The following TBC1D5 variants were observed in gnomAD, a reference collection of about 807,000 sequenced individuals.
TBC1D5 encodes TBC1 domain family, member 5.
TBC1D5 carries 75 observed loss-of-function variants against 100.3 expected under a neutral mutation model. The ratio of observed to expected loss-of-function variants is 0.75; its 90% CI spans 0.62 to 0.91. The LOEUF (loss-of-function observed/expected upper bound fraction) is 0.91. TBC1D5 is among the 40% of genes least tolerant of loss of function. The pLI, the probability that TBC1D5 is intolerant of heterozygous loss-of-function variation, is 0.00. For missense variants in TBC1D5, 910 were observed against 942.4 expected, an observed-to-expected ratio of 0.97 and a Z score of 0.45; for synonymous variants, 323 against 325.6, an observed-to-expected ratio of 0.99 and a Z score of 0.09.
chr3:17,708,677 C>T (rs997608340), intron 1 of TBC1D5, among the ~76,000 whole-genome samples: 1 of 152,204 alleles, frequency 6.6e-6, no homozygotes, highest in Non-Finnish European at 1.5e-5. Context: ...CTATTCAGAA[C>T]CACTGTTCTA....
At position 17,564,349 on chromosome 3, in the gene TBC1D5, T is replaced by G. The variant is rs185221596; in HGVS notation, c.-35-55744A>C. Among the ~76,000 whole-genome samples the G allele has an allele frequency of 7.1e-3, 1,083 of 152,326 alleles. 7 individuals carry two copies. Among genetic ancestry groups the G allele is most frequent in the Non-Finnish European group, 0.012 (833 of 68,022 alleles). Reference sequence around the variant, plus strand: ...TAAAGTGAAATACTTTTATTCATTTTTTAACCAGCATTTATTATGCATCTA... The same window carrying G: ...TAAAGTGAAATACTTTTATTCATTTGTTAACCAGCATTTATTATGCATCTA... On this transcript the variant is annotated intron_variant, in intron 2 of 21. Coordinates refer to ENST00000253692, the Ensembl canonical transcript of TBC1D5.
chr3:17,438,981 T>C (rs1370946652), intron 3 of TBC1D5, among the ~76,000 whole-genome samples: 1 of 152,070 alleles, frequency 6.6e-6, no homozygotes, highest in African/African-American at 2.4e-5. Flanking sequence ...ATAGAGTATA[T>C]GTGGCAGTAA....
At chr3:17,369,123 C>T (rs1016537803) in intron 13 of TBC1D5, among the ~76,000 whole-genome samples, 33 of 152,188 alleles carry the variant, frequency 2.2e-4, no homozygotes, top group Admixed American at 1.7e-3. Context: ...ATGATCATTT[C>T]TAAAAGTTTA....
chr3:17,648,050 T>C (rs1028749540), intron 1 of TBC1D5, among the ~76,000 whole-genome samples: 4 of 152,056 alleles, frequency 2.6e-5, no homozygotes, highest in Non-Finnish European at 4.4e-5. Flanking sequence ...AAAAGAACAA[T>C]GCTGGAAGCA....
intron 13 of TBC1D5, among the ~76,000 whole-genome samples, chr3:17,344,092 T>G (rs1358593852): frequency 6.6e-6 from 1 of 152,284 alleles, no homozygotes; most frequent in South Asian, 2.1e-4. Flanking sequence ...TGCTTTCTCT[T>G]GTGGGCATTT....
chr3:17,586,007 A>T (rs1302477857), intron 2 of TBC1D5, among the ~76,000 whole-genome samples: 1 of 152,172 alleles, frequency 6.6e-6, no homozygotes, highest in Non-Finnish European at 1.5e-5. Flanking sequence ...GCCTATGGAT[A>T]CAAAAAGATT....
At chr3:17,247,631 C>A (rs2149233764) in intron 16 of TBC1D5, among the ~76,000 whole-genome samples, 1 of 152,234 alleles carries the variant, frequency 6.6e-6, no homozygotes, top group East Asian at 1.9e-4. Context: ...GTTGGCCACA[C>A]TGATTGACTC....
rs556546467 is a variant in TBC1D5, at chr3:17,588,254, GAAAA to G, written c.-36+35591_-36+35594del. Among the ~76,000 whole-genome samples, 6 of 74,086 alleles carry G rather than the reference GAAAA, an allele frequency of 8.1e-5. No homozygotes were observed. The South Asian group carries it at 2.6e-3, about 32-fold the overall frequency. The allele number at this position is 74,086 out of a possible 152,430, so 48.6% of individuals were successfully genotyped here. On this transcript the variant is annotated intron_variant, in intron 2 of 21. Transcript: ENST00000253692. ...TACCATCAGAGAAACCAAGAAAGGAGAAAAAAAAAAAAAAAGAGAACACTATGGG... is the reference window on the plus strand; with the variant it reads ...TACCATCAGAGAAACCAAGAAAGGAGAAAAAAAAAAAGAGAACACTATGGG...
intron 19 of TBC1D5, among the ~76,000 whole-genome samples, chr3:17,179,586 G>C (rs2125402023): frequency 6.6e-6 from 1 of 152,260 alleles, no homozygotes; most frequent in Non-Finnish European, 1.5e-5. Context: ...ATTCAGGTCT[G>C]GACTCTCGTT....
At chr3:17,202,136 T>G (rs764273789) in intron 18 of TBC1D5, among the ~76,000 whole-genome samples, 5 of 152,260 alleles carry the variant, frequency 3.3e-5, no homozygotes, top group Non-Finnish European at 5.9e-5. Context: ...TAGTCTCAGA[T>G]AAAGATGAGA....
intron 2 of TBC1D5, among the ~76,000 whole-genome samples, chr3:17,515,650 TTGTTA>T (rs1371299017): frequency 3.4e-4 from 52 of 152,342 alleles, no homozygotes; most frequent in African/African-American, 1.3e-3. Context: ...GTAGTTTCCT[TTGTTA>T]TGTTAACTAT....
intron 2 of TBC1D5, among the ~76,000 whole-genome samples, chr3:17,560,628 AAG>A (rs2096552314): frequency 7.0e-6 from 1 of 142,608 alleles, no homozygotes; most frequent in African/African-American, 2.6e-5. Flanking sequence ...TTAAAAAAAA[AAG>A]GGGGGGTGGG....
intron 1 of TBC1D5, among the ~76,000 whole-genome samples, chr3:17,645,643 C>T (rs995736463): frequency 1.3e-5 from 2 of 151,918 alleles, no homozygotes; most frequent in African/African-American, 2.4e-5. Flanking sequence ...TCTTTGTATC[C>T]TCTCCCTCAC....
chr3:17,378,330 C>A (rs919884698), intron 9 of TBC1D5, among the ~76,000 whole-genome samples: 1 of 151,730 alleles, frequency 6.6e-6, no homozygotes, highest in South Asian at 2.1e-4. Context: ...TAAGCTGTCT[C>A]CAGAAAGAAT....
intron 4 of TBC1D5, among the ~76,000 whole-genome samples, chr3:17,412,629 G>A (rs753429233): frequency 6.6e-6 from 1 of 152,036 alleles, no homozygotes; most frequent in Admixed American, 6.6e-5. Context: ...CTTACAATGT[G>A]CCTGAAAAGC....
intron 2 of TBC1D5, among the ~76,000 whole-genome samples, chr3:17,555,946 G>T (rs992936131): frequency 6.6e-6 from 1 of 152,162 alleles, no homozygotes; most frequent in Non-Finnish European, 1.5e-5. Flanking sequence ...ACAACAAGAG[G>T]ATCCATTCAG....
At chr3:17,404,891 T>A (rs779776847) in exon 6 of TBC1D5, 1 of 1,596,260 alleles carries the variant, frequency 6.3e-7, no homozygotes, top group South Asian at 1.1e-5. Context: ...AATGTTGCTA[T>A]ACCATGCTCT....
intron 2 of TBC1D5, among the ~76,000 whole-genome samples, chr3:17,544,983 T>C (rs2096400576): frequency 6.6e-6 from 1 of 152,198 alleles, no homozygotes; most frequent in Non-Finnish European, 1.5e-5. Flanking sequence ...TATTTTACAA[T>C]TAATTGTATA....
intron 1 of TBC1D5, chr3:17,706,057 AC>A: frequency 6.3e-7 from 1 of 1,589,154 alleles, no homozygotes; most frequent in Non-Finnish European, 8.6e-7. Context: ...GTGGGAGCCT[AC>A]TGATTTCCCC....
Sources: allele counts gnomAD v4.1 joint callset (sites outside exome capture counted in the v4.1 genomes callset), GRCh38; gene constraint gnomAD v4.1.1; transcripts MANE v1.5; gene names NCBI Gene and HGNC (gene_info 2026-07-23, HGNC 2026-07-21).